OR4D1: variants seen among roughly 807,000 people sequenced by gnomAD.
OR4D1 encodes the protein olfactory receptor family 4 subfamily D member 1.
OR4D1 carries 10 observed loss-of-function variants against 14.2 expected under a neutral mutation model. That is an observed-to-expected ratio of 0.71 (90% CI 0.44 to 1.20). OR4D1 has a LOEUF of 1.20. OR4D1 is among the 50% of genes most tolerant of loss of function. OR4D1 has a pLI of 0.00. For missense variants in OR4D1, 345 were observed against 376.6 expected, an observed-to-expected ratio of 0.92 and a Z score of 0.70; for synonymous variants, 141 against 147.4, an observed-to-expected ratio of 0.96 and a Z score of 0.32.
At chr17:58,150,984 T>G (rs1967696217) in intron 2 of OR4D1, among the ~76,000 whole-genome samples, 1 of 152,122 alleles carries the variant, frequency 6.6e-6, no homozygotes. Context: ...TTTATGACAA[T>G]TTATAAATTA....
rs1967790373 is a variant in OR4D1, at chr17:58,157,387, G to T, written c.*1301G>T. ...ATAATTCGCCGCCGCCAAGACACGTGAGCCCTACCACCTGCACCCTGAGAA... is the reference window on the plus strand; with the variant it reads ...ATAATTCGCCGCCGCCAAGACACGTTAGCCCTACCACCTGCACCCTGAGAA... On this transcript the variant is annotated 3_prime_UTR_variant, in exon 4 of 4. Coordinates refer to ENST00000268912, the MANE Select transcript of OR4D1 (RefSeq NM_001386095.1). The T allele has an allele frequency of 7.2e-6, 9 of 1,257,584 alleles. No homozygotes were observed. In the East Asian group the frequency reaches 2.2e-4, roughly 31 times the overall value. 77.9% of individuals were successfully genotyped at this position (1,257,584 alleles called of 1,614,324 possible). A position where few individuals can be genotyped will look rare whatever the true frequency, so the allele number is the denominator to read the frequency against.
intron 2 of OR4D1, among the ~76,000 whole-genome samples, chr17:58,150,870 T>A (rs1016474611): frequency 6.6e-6 from 1 of 152,188 alleles, no homozygotes; most frequent in African/African-American, 2.4e-5. Flanking sequence ...CACCTGCGGT[T>A]GTCTTTCGCC....
chr17:58,155,113 TG>T lies in OR4D1; in HGVS notation c.-19-21del. On this transcript the variant is annotated intron_variant, in intron 3 of 3. Transcript: ENST00000268912. Reference sequence around the variant, plus strand: ...TTTTCATTTTTTTTGTTTGTTTGTTTGTTTCAATGGTTTCTCTGTAGGAACG... The same window carrying T: ...TTTTCATTTTTTTTGTTTGTTTGTTTTTTCAATGGTTTCTCTGTAGGAACG... 5.6e-6 allele frequency: 8 copies of T among 1,431,174 alleles called. No individual in the cohort carries two copies. In the African/African-American group the frequency reaches 5.7e-5, roughly 10 times the overall value. The allele number at this position is 1,431,174 out of a possible 1,614,324, so 88.7% of individuals were successfully genotyped here.
chr17:58,150,683 T>A (rs1967691803), intron 2 of OR4D1, among the ~76,000 whole-genome samples: 1 of 152,198 alleles, frequency 6.6e-6, no homozygotes, highest in Non-Finnish European at 1.5e-5. Context: ...GAACTGGTTA[T>A]GAGGAGGGGA....
chr17:58,154,670 A>T (rs947681126), intron 3 of OR4D1, among the ~76,000 whole-genome samples: 2 of 152,228 alleles, frequency 1.3e-5, no homozygotes, highest in Non-Finnish European at 2.9e-5. Flanking sequence ...CACCATAAAG[A>T]AGCATCTGTT....
rs1967814877 is a variant in OR4D1, at chr17:58,158,849, A to G, written c.*2763A>G. 6.6e-6 allele frequency: 1 copy of G among 152,438 alleles called. No individual in the cohort carries two copies. Among genetic ancestry groups the G allele is most frequent in the Non-Finnish European group, 1.5e-5 (1 of 68,032 alleles). 9.4% of individuals were successfully genotyped at this position (152,438 alleles called of 1,614,324 possible). ...CTTTCTCTGTGTGTGTACCTGCTGTATATGCTAAACTTATTAGAAAATTTT... is the reference window on the plus strand; with the variant it reads ...CTTTCTCTGTGTGTGTACCTGCTGTGTATGCTAAACTTATTAGAAAATTTT... On this transcript the variant is annotated 3_prime_UTR_variant, in exon 4 of 4. Coordinates refer to ENST00000268912, the MANE Select transcript of OR4D1 (RefSeq NM_001386095.1).
Position 58,157,325 on chromosome 17 carries a change from C to A in OR4D1, c.*1239C>A. 6.7e-7 allele frequency: 1 copy of A among 1,494,078 alleles called. No individual in the cohort carries two copies. The highest frequency in any genetic ancestry group is 9.0e-7 in the Non-Finnish European group (1 of 1,107,422). The allele number at this position is 1,494,078 out of a possible 1,614,324, so 92.6% of individuals were successfully genotyped here. A position where few individuals can be genotyped will look rare whatever the true frequency, so the allele number is the denominator to read the frequency against. ...CCGCCTCGGTCAAGTGGGAAAACTC[C>A]CTAAGACGGAGCGGCGTGGATGCAG... On this transcript the variant is annotated 3_prime_UTR_variant, in exon 4 of 4. Transcript: ENST00000268912.
At chr17:58,155,038 C>G in intron 3 of OR4D1, 97 bp from the exon 4 acceptor site, 1 of 814,010 alleles carries the variant, frequency 1.2e-6, no homozygotes, top group Non-Finnish European at 2.0e-6. Flanking sequence ...TGACACTCAA[C>G]AACTCAACTT....
Position 58,155,799 on chromosome 17 carries a change from A to G in OR4D1, c.646A>G (p.Ile216Val). Residue 216 changes from isoleucine (I) to valine (V), a missense_variant, in exon 4 of 4, where the codon ATC becomes GTC. Ile to Val is a conservative substitution (Grantham distance 29). Transcript: ENST00000268912. ...TATCATCTGGTTCCTCCTCCTTCTG[A>G]TCTCTTATACTGTCATCCTGGTGAT... Reference protein sequence around the residue: ...LVIIWFLLLLISYTVILVMLR... With the variant: ...LVIIWFLLLLVSYTVILVMLR... The G allele has an allele frequency of 6.2e-7, 1 of 1,613,984 alleles. No individual in the cohort carries two copies. The highest frequency in any genetic ancestry group is 8.5e-7 in the Non-Finnish European group (1 of 1,179,984).
intron 3 of OR4D1, among the ~76,000 whole-genome samples, chr17:58,154,363 G>A (rs1041725137): frequency 1.3e-5 from 2 of 151,574 alleles, no homozygotes; most frequent in Non-Finnish European, 2.9e-5. Context: ...GATTGTCGAG[G>A]GATATGTGTA....
Position 58,156,908 on chromosome 17 carries a change from G to A in OR4D1, c.*822G>A. On this transcript the variant is annotated 3_prime_UTR_variant, in exon 4 of 4. Coordinates refer to ENST00000268912, the MANE Select transcript of OR4D1 (RefSeq NM_001386095.1). ...CCTCCCTGCCTCATTCCCCACTGTG[G>A]AATTTAGAAAGTTATCTCGCCCTCC... The A allele has an allele frequency of 1.7e-6, 1 of 595,092 alleles. No homozygotes were observed. Among genetic ancestry groups the A allele is most frequent in the South Asian group, 1.8e-5 (1 of 56,132 alleles). 36.9% of individuals were successfully genotyped at this position (595,092 alleles called of 1,614,324 possible).
At chr17:58,154,757 A>G (rs1480210185) in intron 3 of OR4D1, among the ~76,000 whole-genome samples, 1 of 152,236 alleles carries the variant, frequency 6.6e-6, no homozygotes, top group Non-Finnish European at 1.5e-5. Context: ...GTTTGTGGTC[A>G]CAGGTACTTG....
rs1355455165 is a variant in OR4D1, at chr17:58,157,577, C to T, written c.*1491C>T. On this transcript the variant is annotated 3_prime_UTR_variant, in exon 4 of 4. Coordinates refer to ENST00000268912, the MANE Select transcript of OR4D1 (RefSeq NM_001386095.1). ...TCAGGTCAAAATCTTGTTCCAGAAC[C>T]GAAGGGCCAAGACGAAAAGACTGCA... 6.3e-7 allele frequency: 1 copy of T among 1,599,408 alleles called. No homozygotes were observed. The highest frequency in any genetic ancestry group is 8.6e-7 in the Non-Finnish European group (1 of 1,167,018).
chr17:58,158,669 G>A lies in OR4D1; in HGVS notation c.*2583G>A, dbSNP rs1967811391. The A allele has an allele frequency of 6.6e-6, 1 of 152,076 alleles. No individual in the cohort carries two copies. Among genetic ancestry groups the A allele is most frequent in the African/African-American group, 2.4e-5 (1 of 41,390 alleles). 9.4% of individuals were successfully genotyped at this position (152,076 alleles called of 1,614,324 possible). A position where few individuals can be genotyped will look rare whatever the true frequency, so the allele number is the denominator to read the frequency against. Reference sequence around the variant, plus strand: ...GTTGGGAGGAGTTGATGGTTTCTGAGAAATACTAGGTACTTTCATCCTCAC... The same window carrying A: ...GTTGGGAGGAGTTGATGGTTTCTGAAAAATACTAGGTACTTTCATCCTCAC... On this transcript the variant is annotated 3_prime_UTR_variant, in exon 4 of 4. Coordinates refer to ENST00000268912, the MANE Select transcript of OR4D1 (RefSeq NM_001386095.1).
rs1967678188 is a variant in OR4D1, at chr17:58,149,722, A to T, written c.-201A>T. On this transcript the variant is annotated 5_prime_UTR_variant, in exon 2 of 4. An upstream start codon of the reference 5' UTR is lost. Transcript: ENST00000268912. ...GCAATTCAGATGCGGCACTGACTGG[A>T]TGAAGGCACTGAGACCTGAGGGACC... 6.6e-6 allele frequency: 1 copy of T among 152,350 alleles called. No homozygotes were observed. The highest frequency in any genetic ancestry group is 2.4e-5 in the African/African-American group (1 of 41,456). The allele number at this position is 152,350 out of a possible 1,614,324, so 9.4% of individuals were successfully genotyped here.
Position 58,156,129 on chromosome 17 carries a change from T to A in OR4D1, c.*43T>A. 1 of 1,305,056 alleles carries A rather than the reference T, an allele frequency of 7.7e-7. No homozygotes were observed. 80.8% of individuals were successfully genotyped at this position (1,305,056 alleles called of 1,614,324 possible). A position where few individuals can be genotyped will look rare whatever the true frequency, so the allele number is the denominator to read the frequency against. ...TTTAAATGACAAATTTCTCTGGATTTTTATTTTCCCACATGAAAAATGGAG... is the reference window on the plus strand; with the variant it reads ...TTTAAATGACAAATTTCTCTGGATTATTATTTTCCCACATGAAAAATGGAG... On this transcript the variant is annotated 3_prime_UTR_variant, in exon 4 of 4. Coordinates refer to ENST00000268912, the MANE Select transcript of OR4D1 (RefSeq NM_001386095.1).
In OR4D1 at chr17:58,157,121, G is replaced by A. The variant is rs1967786807; in HGVS notation, c.*1035G>A. 1 of 1,478,088 alleles carries A rather than the reference G, an allele frequency of 6.8e-7. No homozygotes were observed. The highest frequency in any genetic ancestry group is 9.0e-7 in the Non-Finnish European group (1 of 1,108,670). The allele number at this position is 1,478,088 out of a possible 1,614,324, so 91.6% of individuals were successfully genotyped here. On this transcript the variant is annotated 3_prime_UTR_variant, in exon 4 of 4. Coordinates refer to ENST00000268912, the MANE Select transcript of OR4D1 (RefSeq NM_001386095.1). ...CGGCCGCGGAGGAGCGCCGCGTCAA[G>A]GTCTCCAGCCTGCCCTACAGTGTGG...
chr17:58,155,743 T>A lies in OR4D1; in HGVS notation c.590T>A (p.Phe197Tyr), dbSNP rs199945159. 83 of 1,614,046 alleles carry A rather than the reference T, an allele frequency of 5.1e-5. No homozygotes were observed. The highest frequency in any genetic ancestry group is 3.4e-5 in the Non-Finnish European group (40 of 1,180,008). The change falls in exon 4 of 4, where the codon TTC becomes TAC. Residue 197 changes from phenylalanine (F) to tyrosine (Y), a missense_variant. Coordinates refer to ENST00000268912, the MANE Select transcript of OR4D1 (RefSeq NM_001386095.1). ...LACTDTSLLEFLMISNSGLLV... is the reference protein window; with the variant it reads ...LACTDTSLLEYLMISNSGLLV... ...TGCACTGATACCTCCCTCCTGGAGT[T>A]CCTCATGATCTCCAACAGTGGGCTG... is the stretch of plus-strand genomic sequence containing the variant.
At chr17:58,149,091 T>C (rs1967667068) in intron 1 of OR4D1, among the ~76,000 whole-genome samples, 1 of 152,188 alleles carries the variant, frequency 6.6e-6, no homozygotes. Context: ...CTCCTAGTCC[T>C]GTGTGGGCTG....
Sources: allele counts gnomAD v4.1 joint callset (sites outside exome capture counted in the v4.1 genomes callset), GRCh38; gene constraint gnomAD v4.1.1; transcripts MANE v1.5; gene names NCBI Gene and HGNC (gene_info 2026-07-23, HGNC 2026-07-21).